The following ERC1 variants were observed in gnomAD, a reference collection of about 807,000 sequenced individuals.
ERC1 encodes the protein ELKS/RAB6-interacting/CAST family member 1.
A neutral mutation model predicts 132.0 loss-of-function variants in ERC1; 56 were observed. The ratio of observed to expected loss-of-function variants is 0.42; its 90% CI spans 0.34 to 0.53. The LOEUF (loss-of-function observed/expected upper bound fraction) is 0.53, where lower values mean the gene tolerates loss of function less well. Ranked by LOEUF, ERC1 falls within the 20% of genes least tolerant of loss-of-function variation. The pLI, the probability that ERC1 is intolerant of heterozygous loss-of-function variation, is 0.03. For synonymous variants in ERC1, 478 were observed against 476.1 expected, an observed-to-expected ratio of 1.00 and a Z score of -0.05; for missense variants, 1,202 against 1,349.9, an observed-to-expected ratio of 0.89 and a Z score of 1.72.
chr12:1,375,208 G>A (rs540106804), intron 16 of ERC1, among the ~76,000 whole-genome samples: 3 of 152,140 alleles, frequency 2.0e-5, no homozygotes, highest in Non-Finnish European at 4.4e-5. Context: ...GGGAGGCCTC[G>A]GGAAACTTAC....
rs188889815 is a variant in ERC1 at position 1,331,239 on chromosome 12, T to C, written c.2781-40594T>C. 1.9e-3 allele frequency among the ~76,000 whole-genome samples: 286 copies of C among 152,360 alleles called. 1 individual carries two copies. The highest frequency in any genetic ancestry group is 4.8e-3 in the Admixed American group (73 of 15,308). On this transcript the variant is annotated intron_variant, in intron 15 of 18. Coordinates refer to ENST00000360905, the MANE Select transcript of ERC1 (RefSeq NM_178040.4). ...TTTTAATTTTACCTGTTTTGTGTTA[T>C]ATATAAATGGAGTTATCAAATAAGT...
At chr12:1,022,265 T>C (rs535791802) in intron 1 of ERC1, among the ~76,000 whole-genome samples, 11 of 152,194 alleles carry the variant, frequency 7.2e-5, no homozygotes, top group Non-Finnish European at 1.3e-4. Context: ...TGCATGCATA[T>C]GCACACCTGA....
chr12:1,310,859 C>T (rs1415734917), intron 15 of ERC1, among the ~76,000 whole-genome samples: 1 of 152,254 alleles, frequency 6.6e-6, no homozygotes, highest in Non-Finnish European at 1.5e-5. Context: ...ACTCCTGCCA[C>T]CAGCACAGCT....
At chr12:1,003,982 G>T (rs895694682) in intron 1 of ERC1, among the ~76,000 whole-genome samples, 10 of 152,180 alleles carry the variant, frequency 6.6e-5, no homozygotes, top group African/African-American at 2.4e-4. Flanking sequence ...AGGGCTGAAG[G>T]TTCAATGCCT....
intron 12 of ERC1, among the ~76,000 whole-genome samples, chr12:1,234,249 A>G (rs756463266): frequency 6.6e-6 from 1 of 152,176 alleles, no homozygotes; most frequent in East Asian, 1.9e-4. Flanking sequence ...TTCCTGTGCT[A>G]TTGGTATGTA....
intron 14 of ERC1, among the ~76,000 whole-genome samples, chr12:1,275,361 G>A (rs150791864): frequency 1.6e-3 from 244 of 152,156 alleles, no homozygotes; most frequent in African/African-American, 5.2e-3. Context: ...GGTGGTGCAC[G>A]CCTGTAGTCC....
intron 15 of ERC1, among the ~76,000 whole-genome samples, chr12:1,332,094 T>C (rs2082908263): frequency 6.6e-6 from 1 of 152,210 alleles, no homozygotes; most frequent in Non-Finnish European, 1.5e-5. Context: ...CTTCTAGTTG[T>C]TGGATTTAGA....
chr12:1,379,302 T>A (rs559948176), intron 16 of ERC1, among the ~76,000 whole-genome samples: 4 of 152,318 alleles, frequency 2.6e-5, no homozygotes, highest in Admixed American at 2.6e-4. Flanking sequence ...CAACTGTAGG[T>A]GACATTGTTG....
At chr12:1,375,168 G>A (rs139801917) in intron 16 of ERC1, among the ~76,000 whole-genome samples, 1 of 152,148 alleles carries the variant, frequency 6.6e-6, no homozygotes, top group Non-Finnish European at 1.5e-5. Flanking sequence ...AAGACAAGAG[G>A]TTTAGCTGAC....
At chr12:1,452,306 G>GGGTT (rs1363040351) in intron 18 of ERC1, among the ~76,000 whole-genome samples, 4 of 152,040 alleles carry the variant, frequency 2.6e-5, no homozygotes, top group African/African-American at 9.7e-5. Context: ...TGGGGTGAGT[G>GGGTT]GGTTGGTTGG....
intron 16 of ERC1, among the ~76,000 whole-genome samples, chr12:1,392,948 C>G (rs888056445): frequency 6.6e-5 from 10 of 152,028 alleles, no homozygotes; most frequent in African/African-American, 2.4e-4. Context: ...TATGTTTGTA[C>G]AGATACATAT....
Position 1,436,123 on chromosome 12 carries a change from G to A in ERC1, c.3025-8439G>A, listed in dbSNP as rs2092940318. ...GACTAACTGCAAACTGCCTCTGCCT[G>A]CTCCCCCAGCCCTTCCATGTACAGA... On this transcript the variant is annotated intron_variant, in intron 17 of 18. Coordinates refer to ENST00000360905, the MANE Select transcript of ERC1 (RefSeq NM_178040.4). Among the ~76,000 whole-genome samples, 5 of 151,538 alleles carry A rather than the reference G, an allele frequency of 3.3e-5. No individual in the cohort carries two copies. In the South Asian group the frequency reaches 1.0e-3, roughly 31 times the overall value.
intron 13 of ERC1, among the ~76,000 whole-genome samples, chr12:1,243,248 C>T (rs1425740448): frequency 2.0e-5 from 3 of 151,010 alleles, no homozygotes; most frequent in African/African-American, 4.9e-5. Context: ...AAAATATATG[C>T]GAAGATGTGC....
At position 1,394,040 on chromosome 12, in the gene ERC1, AAAAACC is replaced by A. The variant is rs1337817113; in HGVS notation, c.2926-14107_2926-14102del. ...CAAAAAAAAAAAAAAAAAACAAAAA[AAAAACC>A]ACAAAGCATTAAGCAATTTAATTTC... On this transcript the variant is annotated intron_variant, in intron 16 of 18. Coordinates refer to ENST00000360905, the MANE Select transcript of ERC1 (RefSeq NM_178040.4). Among the ~76,000 whole-genome samples, 7 of 78,536 alleles carry A rather than the reference AAAAACC, an allele frequency of 8.9e-5. 1 individual carries two copies. The highest frequency in any genetic ancestry group is 2.6e-4 in the African/African-American group (5 of 19,336). 51.5% of individuals were successfully genotyped at this position (78,536 alleles called of 152,430 possible). A position where few individuals can be genotyped will look rare whatever the true frequency, so the allele number is the denominator to read the frequency against.
At chr12:1,296,967 A>T (rs1165492825) in intron 15 of ERC1, among the ~76,000 whole-genome samples, 1 of 152,184 alleles carries the variant, frequency 6.6e-6, no homozygotes, top group Non-Finnish European at 1.5e-5. Flanking sequence ...TGAAACCATG[A>T]ATCTTTGATT....
intron 12 of ERC1, among the ~76,000 whole-genome samples, chr12:1,207,206 TAAGAA>T (rs1330639347): frequency 1.3e-5 from 2 of 152,170 alleles, no homozygotes; most frequent in Non-Finnish European, 2.9e-5. Flanking sequence ...CTGATTTCAT[TAAGAA>T]AAGGCACTAT....
intron 2 of ERC1, among the ~76,000 whole-genome samples, chr12:1,033,357 A>G (rs984343171): frequency 2.6e-5 from 4 of 151,828 alleles, no homozygotes; most frequent in Non-Finnish European, 5.9e-5. Flanking sequence ...TTTTTAGTAG[A>G]GACGAGTTTC....
intron 17 of ERC1, among the ~76,000 whole-genome samples, chr12:1,415,429 G>A (rs575251226): frequency 1.3e-5 from 2 of 152,326 alleles, no homozygotes; most frequent in African/African-American, 4.8e-5. Context: ...TTTTTCATTA[G>A]AGATGATGTA....
Position 1,327,855 on chromosome 12 carries a change from C to G in ERC1, c.2780+37843C>G, listed in dbSNP as rs536323003. 2.0e-5 allele frequency among the ~76,000 whole-genome samples: 3 copies of G among 149,662 alleles called. No individual in the cohort carries two copies. In the South Asian group the frequency reaches 6.3e-4, roughly 31 times the overall value. On this transcript the variant is annotated intron_variant, in intron 15 of 18. Transcript: ENST00000360905. ...ATCATCTCATCATTTTTTTTTTTTA[C>G]AAATATGCTCCTCAGTATCTTCATC...
Sources: allele counts gnomAD v4.1 joint callset (sites outside exome capture counted in the v4.1 genomes callset), GRCh38; gene constraint gnomAD v4.1.1; transcripts MANE v1.5; gene names NCBI Gene and HGNC (gene_info 2026-07-23, HGNC 2026-07-21).